Variants in AMBRA1 observed in about 807,000 individuals in gnomAD.
AMBRA1 encodes the protein activating molecule in BECN1-regulated autophagy protein 1.
In AMBRA1, 47 loss-of-function variants were observed where a neutral mutation model predicts 125.4. The ratio of observed to expected loss-of-function variants is 0.37; its 90% CI spans 0.30 to 0.48. AMBRA1 has a LOEUF of 0.48. AMBRA1 is among the 20% of genes least tolerant of loss of function. The pLI, the probability that AMBRA1 is intolerant of heterozygous loss-of-function variation, is 0.99. For synonymous variants in AMBRA1, 626 were observed against 655.5 expected, an observed-to-expected ratio of 0.95 and a Z score of 0.69; for missense variants, 1,331 against 1,693.4, an observed-to-expected ratio of 0.79 and a Z score of 3.76.
At chr11:46,576,567 T>C (rs2043967375) in intron 1 of AMBRA1, among the ~76,000 whole-genome samples, 1 of 152,226 alleles carries the variant, frequency 6.6e-6, no homozygotes, top group African/African-American at 2.4e-5. Flanking sequence ...TTGGAGAAGA[T>C]ACTTCATAAT....
At chr11:46,481,457 G>A (rs769088382) in intron 11 of AMBRA1, among the ~76,000 whole-genome samples, 14 of 152,178 alleles carry the variant, frequency 9.2e-5, no homozygotes, top group African/African-American at 2.2e-4. Flanking sequence ...TCTGCCTCCC[G>A]GGTTCAAGTG....
intron 8 of AMBRA1, among the ~76,000 whole-genome samples, chr11:46,511,378 C>T (rs971687776): frequency 2.0e-5 from 3 of 152,138 alleles, no homozygotes; most frequent in African/African-American, 7.2e-5. Flanking sequence ...TTTGTCATTT[C>T]TAGGGTGTGG....
chr11:46,466,112 A>C (rs945501066), intron 11 of AMBRA1, among the ~76,000 whole-genome samples: 42 of 152,242 alleles, frequency 2.8e-4, no homozygotes, highest in African/African-American at 9.9e-4. Context: ...AGATGTACAT[A>C]AAATGGTAGT....
intron 11 of AMBRA1, among the ~76,000 whole-genome samples, chr11:46,443,976 CA>C (rs1275428755): frequency 6.6e-6 from 1 of 152,176 alleles, no homozygotes; most frequent in African/African-American, 2.4e-5. Flanking sequence ...ACCATTAACA[CA>C]GAAAAGCCAG....
At position 46,433,647 on chromosome 11, in the gene AMBRA1, G is replaced by A. The variant is rs943329890; in HGVS notation, c.2822-19C>T. 6.2e-7 allele frequency: 1 copy of A among 1,607,506 alleles called. No individual in the cohort carries two copies. Among genetic ancestry groups the A allele is most frequent in the Admixed American group, 1.7e-5 (1 of 59,722 alleles). On this transcript the variant is annotated intron_variant, in intron 13 of 17. Transcript: ENST00000683756. ...TTGGGACCTGAGGGCCAACAAAACA[G>A]AGAAATATTTCCTAGGCTTCTGGCC...
chr11:46,523,856 CAT>C (rs1203926978), intron 7 of AMBRA1, among the ~76,000 whole-genome samples: 1 of 152,096 alleles, frequency 6.6e-6, no homozygotes, highest in Non-Finnish European at 1.5e-5. Context: ...TGTGAGATGT[CAT>C]AGTTTTATTC....
At chr11:46,508,019 G>A (rs112831686) in intron 9 of AMBRA1, among the ~76,000 whole-genome samples, 172 bp downstream of exon 9, 53 of 152,332 alleles carry the variant, frequency 3.5e-4, no homozygotes, top group African/African-American at 1.3e-3. Flanking sequence ...CCAGAGGTGG[G>A]AGTGCTCTGG....
chr11:46,513,182 T>C (rs886450213), intron 7 of AMBRA1, among the ~76,000 whole-genome samples: 1 of 152,028 alleles, frequency 6.6e-6, no homozygotes, highest in Non-Finnish European at 1.5e-5. Flanking sequence ...AGTGCTAACA[T>C]TTATCTTGTT....
chr11:46,565,174 C>T, intron 1 of AMBRA1, among the ~76,000 whole-genome samples: 1 of 151,904 alleles, frequency 6.6e-6, no homozygotes, highest in East Asian at 1.9e-4. Flanking sequence ...GGAGAAATCA[C>T]TTGAGCCCAG....
Position 46,412,943 on chromosome 11 carries a change from T to C in AMBRA1, c.3117-2575A>G, listed in dbSNP as rs113338170. ...TGATTTACAAACTTGTCAAGATGTA[T>C]TGACAGGTTGCAATACCACATGGGT... On this transcript the variant is annotated intron_variant, in intron 15 of 17. Transcript: ENST00000683756. Among the ~76,000 whole-genome samples, 1,267 of 152,330 alleles carry C rather than the reference T, an allele frequency of 8.3e-3. 30 individuals are homozygous for C. Among genetic ancestry groups the C allele is most frequent in the Non-Finnish European group, 6.9e-3 (468 of 68,038 alleles).
chr11:46,405,132 T>C (rs1295067776), intron 17 of AMBRA1, among the ~76,000 whole-genome samples: 15 of 152,240 alleles, frequency 9.9e-5, no homozygotes, highest in Admixed American at 9.8e-4. Context: ...TGCTGAGACA[T>C]GTCTCCAGGA....
chr11:46,504,808 A>AAAT (rs1950971119), intron 9 of AMBRA1: 4 of 152,236 alleles, frequency 2.6e-5, no homozygotes, highest in Non-Finnish European at 5.9e-5. Flanking sequence ...TCATTTTCAA[A>AAAT]GGTTTTTAAA....
At chr11:46,560,608 G>C (rs2043299719) in intron 1 of AMBRA1, among the ~76,000 whole-genome samples, 1 of 152,176 alleles carries the variant, frequency 6.6e-6, no homozygotes, top group Non-Finnish European at 1.5e-5. Flanking sequence ...AGTTTTATCT[G>C]CAAATTATTC....
chr11:46,494,375 T>C (rs1465296066), intron 9 of AMBRA1, among the ~76,000 whole-genome samples, 171 bp from the exon 10 acceptor site: 1 of 152,204 alleles, frequency 6.6e-6, no homozygotes, highest in African/African-American at 2.4e-5. Flanking sequence ...AACATATTTC[T>C]GGAGAACCTC....
intron 17 of AMBRA1, among the ~76,000 whole-genome samples, chr11:46,401,018 A>T (rs1018007812): frequency 3.3e-5 from 5 of 152,130 alleles, no homozygotes; most frequent in South Asian, 2.1e-4. Context: ...AGAAGGTAAG[A>T]AGAAAAAAGT....
intron 17 of AMBRA1, among the ~76,000 whole-genome samples, chr11:46,399,787 A>G (rs1165672059): frequency 6.6e-6 from 1 of 152,188 alleles, no homozygotes; most frequent in East Asian, 1.9e-4. Flanking sequence ...GCCTGATGCC[A>G]TATTTCCCGG....
At chr11:46,539,569 A>G (rs1294224123) in intron 7 of AMBRA1, among the ~76,000 whole-genome samples, 1 of 152,136 alleles carries the variant, frequency 6.6e-6, no homozygotes, top group Non-Finnish European at 1.5e-5. Context: ...AAAAAATAAA[A>G]ATGTTATATT....
At chr11:46,495,916 A>T (rs1347955643) in intron 9 of AMBRA1, among the ~76,000 whole-genome samples, 2 of 152,192 alleles carry the variant, frequency 1.3e-5, no homozygotes, top group Non-Finnish European at 2.9e-5. Context: ...GTTAAAAAGG[A>T]TCCTAAGCGG....
At chr11:46,556,487 G>A (rs1282670063) in intron 1 of AMBRA1, among the ~76,000 whole-genome samples, 1 of 152,142 alleles carries the variant, frequency 6.6e-6, no homozygotes, top group Admixed American at 6.5e-5. Flanking sequence ...GATATCCAAG[G>A]ATATGGCAAA....
Sources: allele counts gnomAD v4.1 joint callset (sites outside exome capture counted in the v4.1 genomes callset), GRCh38; gene constraint gnomAD v4.1.1; transcripts MANE v1.5; gene names NCBI Gene and HGNC (gene_info 2026-07-23, HGNC 2026-07-21).